BTBD8: variants seen among roughly 807,000 people sequenced by gnomAD.
BTBD8 encodes the protein BTB/POZ domain-containing protein 8.
A neutral mutation model predicts 162.9 loss-of-function variants in BTBD8; 110 were observed. The ratio of observed to expected loss-of-function variants is 0.68; its 90% CI spans 0.58 to 0.79. The LOEUF is 0.79. Among genes scored for constraint, BTBD8 ranks in the 30% least tolerant of loss-of-function variants. BTBD8 has a pLI of 0.00. For missense variants in BTBD8, 1,905 were observed against 2,085.4 expected (o/e 0.91, Z 1.68); for synonymous variants, 667 against 716.1 (o/e 0.93, Z 1.10).
intron 4 of BTBD8, chr1:92,126,479 G>A: frequency 1.3e-6 from 1 of 792,760 alleles, no homozygotes; most frequent in South Asian, 1.3e-5. Flanking sequence ...CTGCCTCTTG[G>A]GCCTCCCTTT....
At chr1:92,122,482 C>T (rs768442559) in intron 4 of BTBD8, among the ~76,000 whole-genome samples, 2 of 152,048 alleles carry the variant, frequency 1.3e-5, no homozygotes, top group Non-Finnish European at 2.9e-5. Context: ...TGGTCTTGAT[C>T]TCTTGACCTC....
At chr1:92,171,046 AT>A (rs1372146583) in intron 12 of BTBD8, among the ~76,000 whole-genome samples, 1 of 151,890 alleles carries the variant, frequency 6.6e-6, no homozygotes, top group Non-Finnish European at 1.5e-5. Context: ...ATAATCTGTA[AT>A]TTTTTGTAAT....
At chr1:92,141,544 C>CT (rs1394110450) in intron 7 of BTBD8, among the ~76,000 whole-genome samples, 2 of 152,092 alleles carry the variant, frequency 1.3e-5, no homozygotes, top group Non-Finnish European at 2.9e-5. Context: ...CTACACAGTG[C>CT]TTTATTTGTT....
At chr1:92,080,969 T>A (rs1647996869) in intron 1 of BTBD8, among the ~76,000 whole-genome samples, 3 of 152,220 alleles carry the variant, frequency 2.0e-5, no homozygotes, top group Admixed American at 2.0e-4. Context: ...AGCTTAGTCG[T>A]GTGCAGCACT....
At chr1:92,137,182 G>C (rs1649655007) in intron 5 of BTBD8, among the ~76,000 whole-genome samples, 1 of 152,070 alleles carries the variant, frequency 6.6e-6, no homozygotes, top group African/African-American at 2.4e-5. Context: ...AAAGGAATTT[G>C]GACTTTCTTT....
At chr1:92,140,981 A>T in intron 6 of BTBD8, 134 bp from the exon 7 acceptor site, 2 of 1,025,532 alleles carry the variant, frequency 2.0e-6, no homozygotes, top group Non-Finnish European at 2.6e-6. Context: ...ATGTTATGTA[A>T]GGCAGAAAAT....
chr1:92,084,599 C>A (rs952859306), intron 1 of BTBD8, among the ~76,000 whole-genome samples: 3 of 152,166 alleles, frequency 2.0e-5, no homozygotes, highest in African/African-American at 7.2e-5. Context: ...TGCAGTTTTC[C>A]TGCTCAGTCC....
chr1:92,156,587 G>A (rs1322022746), intron 9 of BTBD8, among the ~76,000 whole-genome samples: 3 of 152,028 alleles, frequency 2.0e-5, no homozygotes, highest in African/African-American at 7.2e-5. Flanking sequence ...TTCTTTGATG[G>A]GAGACTTTTT....
chr1:92,163,885 C>T (rs1028286593), intron 9 of BTBD8, among the ~76,000 whole-genome samples: 7 of 152,088 alleles, frequency 4.6e-5, no homozygotes, highest in African/African-American at 1.2e-4. Context: ...TAAATTATGA[C>T]AATTATACTC....
chr1:92,182,052 A>G lies in BTBD8; in HGVS notation c.4369A>G (p.Thr1457Ala). The change falls in exon 17 of 18, where the codon ACT (threonine) becomes GCT (alanine). Residue 1457 changes from threonine to alanine, a missense_variant. Transcript: ENST00000636805. The stretch of plus-strand genomic sequence containing the variant: ...GGGATCAGATGAAGGAGAAGTCCAT[A>G]CTCCCTTTCAGGCTTCTGTAGATTC... ...ELGSDEGEVH[T>A]PFQASVDSFS... is the part of the protein sequence containing the mutation. 2 of 1,551,154 alleles carry G rather than the reference A, an allele frequency of 1.3e-6. No homozygotes were observed. Among genetic ancestry groups the G allele is most frequent in the Non-Finnish European group, 1.7e-6 (2 of 1,146,830 alleles).
intron 9 of BTBD8, among the ~76,000 whole-genome samples, chr1:92,164,683 G>GAAA (rs1650345200): frequency 6.8e-6 from 1 of 146,114 alleles, no homozygotes; most frequent in Non-Finnish European, 1.5e-5. Context: ...GTTTCACATG[G>GAAA]CGGGGTCTTG....
intron 7 of BTBD8, among the ~76,000 whole-genome samples, chr1:92,141,471 A>G (rs1649774600): frequency 6.6e-6 from 1 of 152,198 alleles, no homozygotes; most frequent in South Asian, 2.1e-4. Context: ...AAAGGTGCTC[A>G]GAGTTTGGAA....
intron 3 of BTBD8, among the ~76,000 whole-genome samples, chr1:92,103,841 A>G (rs1648657983): frequency 6.6e-6 from 1 of 152,220 alleles, no homozygotes; most frequent in Non-Finnish European, 1.5e-5. Context: ...CCTTTAACCA[A>G]GTTTACTGGT....
At chr1:92,101,697 T>C (rs1391866280) in intron 2 of BTBD8, among the ~76,000 whole-genome samples, 1 of 152,208 alleles carries the variant, frequency 6.6e-6, no homozygotes, top group African/African-American at 2.4e-5. Context: ...TTATTTTTTA[T>C]TTTTATTTAC....
chr1:92,117,548 C>T (rs1027306746), intron 4 of BTBD8, among the ~76,000 whole-genome samples: 2 of 151,936 alleles, frequency 1.3e-5, no homozygotes, highest in Non-Finnish European at 2.9e-5. Flanking sequence ...GAATATCTGT[C>T]AGCCATATAG....
At chr1:92,136,853 A>G (rs957061386) in intron 5 of BTBD8, among the ~76,000 whole-genome samples, 2 of 152,204 alleles carry the variant, frequency 1.3e-5, no homozygotes, top group Non-Finnish European at 2.9e-5. Flanking sequence ...ATGGTGATTA[A>G]ATGAGCCAAT....
At position 92,181,267 on chromosome 1, in the gene BTBD8, C is replaced by T; in HGVS notation, c.3584C>T (p.Ser1195Leu). 1 of 1,551,676 alleles carries T rather than the reference C, an allele frequency of 6.4e-7. No homozygotes were observed. Among genetic ancestry groups the T allele is most frequent in the Non-Finnish European group, 8.7e-7 (1 of 1,146,988 alleles). Residue 1195 changes from serine (S) to leucine (L), a missense_variant, in exon 17 of 18, where the codon TCA becomes TTA. Around this residue, in one of 3 missense-constraint regions of BTBD8, gnomAD observed 1,374 missense variants for 1,442.7 expected, o/e 0.95. Coordinates refer to ENST00000636805, the MANE Select transcript of BTBD8 (RefSeq NM_001376131.1). ...MDEDKHATAD[S>L]DVSSKCFSGQ... ...GAAGACAAACATGCTACAGCAGACT[C>T]AGATGTATCTTCCAAGTGTTTTTCG...
intron 9 of BTBD8, among the ~76,000 whole-genome samples, chr1:92,166,475 A>C (rs559922139): frequency 1.5e-5 from 2 of 129,990 alleles, no homozygotes; most frequent in East Asian, 4.7e-4. Flanking sequence ...CCCAGGCCGG[A>C]GTGCAGTGGT....
Position 92,178,297 on chromosome 1 carries a change from A to G in BTBD8, c.2442-15A>G, listed in dbSNP as rs962219028. 1.3e-6 allele frequency: 2 copies of G among 1,543,988 alleles called. No homozygotes were observed. Among genetic ancestry groups the G allele is most frequent in the Non-Finnish European group, 1.7e-6 (2 of 1,143,874 alleles). Reference sequence around the variant, plus strand: ...GAATCTAAGTGTAATACTGAATGCAAATAATTTTTTTTAGTGTACTAAAGA... The same window carrying G: ...GAATCTAAGTGTAATACTGAATGCAGATAATTTTTTTTAGTGTACTAAAGA... On this transcript the variant is annotated splice_polypyrimidine_tract_variant and intron_variant, in intron 15 of 17. Coordinates refer to ENST00000636805, the MANE Select transcript of BTBD8 (RefSeq NM_001376131.1).
Sources: gnomAD v4.1 joint callset for allele counts (sites outside exome capture counted in the v4.1 genomes callset) on GRCh38, gnomAD v4.1.1 for gene constraint, gnomAD v4.1.1 regional missense constraint, MANE v1.5 for transcripts, NCBI Gene and HGNC (gene_info 2026-07-23, HGNC 2026-07-21) for gene names.